SND1: variants seen among roughly 807,000 people sequenced by gnomAD.
SND1 encodes staphylococcal nuclease domain-containing protein 1.
A neutral mutation model predicts 121.7 loss-of-function variants in SND1; 38 were observed. The ratio of observed to expected loss-of-function variants is 0.31; its 90% CI spans 0.24 to 0.41. The LOEUF is 0.41. Among genes scored for constraint, SND1 ranks in the 10% least tolerant of loss-of-function variants. The probability of loss-of-function intolerance (pLI) is 1.00; values close to 1 mark genes in which losing one functional copy is unlikely to be tolerated. For missense variants in SND1, 868 were observed against 1,184.6 expected (o/e 0.73, Z 3.92); for synonymous variants, 401 against 447.4 (o/e 0.90, Z 1.31).
chr7:127,709,899 G>A (rs1013423790), intron 9 of SND1, among the ~76,000 whole-genome samples: 3 of 151,926 alleles, frequency 2.0e-5, no homozygotes, highest in Admixed American at 1.3e-4. Context: ...TTTAGCATTC[G>A]TTTTGCTTTT....
chr7:128,092,141 CAGAGA>C lies in SND1; in HGVS notation c.*84_*88del. The C allele has an allele frequency of 7.1e-7, 1 of 1,405,090 alleles. No homozygotes were observed. The allele number at this position is 1,405,090 out of a possible 1,614,324, so 87.0% of individuals were successfully genotyped here. On this transcript the variant is annotated 3_prime_UTR_variant, in exon 24 of 24. Coordinates refer to ENST00000354725, the MANE Select transcript of SND1 (RefSeq NM_014390.4). This position sits in a 1 kb window ranked among gnomAD's most constrained non-coding sequence, Gnocchi z 4.9. Reference sequence around the variant, plus strand: ...GGAGGGTGTTTTCAACTCCAAACCCCAGAGAGGGGTTGTAGATTGGGTCCAGCTTT... The same window carrying C: ...GGAGGGTGTTTTCAACTCCAAACCCCGGGGTTGTAGATTGGGTCCAGCTTT...
At chr7:127,985,608 G>A (rs1008309869) in intron 15 of SND1, among the ~76,000 whole-genome samples, 2 of 152,210 alleles carry the variant, frequency 1.3e-5, no homozygotes, top group African/African-American at 4.8e-5. Context: ...GGCAAATCCA[G>A]TCACCAATAA....
intron 14 of SND1, among the ~76,000 whole-genome samples, chr7:127,907,824 T>G (rs1800370317): frequency 6.6e-6 from 1 of 152,210 alleles, no homozygotes; most frequent in Non-Finnish European, 1.5e-5. Context: ...TTCCATGATC[T>G]CTTCTCTTGC....
chr7:127,703,431 T>A (rs1168137590), intron 7 of SND1, 108 bp downstream of exon 7: 9 of 1,312,342 alleles, frequency 6.9e-6, no homozygotes, highest in Non-Finnish European at 5.2e-6. Context: ...ATTAAGATAT[T>A]GGCCAGTTGT....
chr7:128,013,620 G>A (rs2116951850), intron 16 of SND1, among the ~76,000 whole-genome samples: 1 of 152,350 alleles, frequency 6.6e-6, no homozygotes, highest in East Asian at 1.9e-4. Context: ...GCAATGGTTT[G>A]GGGATGAAAC....
chr7:127,925,083 C>T (rs974542702), intron 14 of SND1, among the ~76,000 whole-genome samples: 3 of 152,190 alleles, frequency 2.0e-5, no homozygotes, highest in East Asian at 1.9e-4. Flanking sequence ...TCATTACTTT[C>T]TCAATTTCAA....
At chr7:127,728,283 G>C in intron 10 of SND1, among the ~76,000 whole-genome samples, 1 of 151,020 alleles carries the variant, frequency 6.6e-6, no homozygotes, top group Non-Finnish European at 1.5e-5. Context: ...CCCTGAACTG[G>C]GTGCATTTAC....
chr7:128,085,647 G>A lies in SND1; in HGVS notation c.2235-64G>A. 6.9e-7 allele frequency: 1 copy of A among 1,457,196 alleles called. No individual in the cohort carries two copies. The highest frequency in any genetic ancestry group is 9.6e-7 in the Non-Finnish European group (1 of 1,039,646). The allele number at this position is 1,457,196 out of a possible 1,614,324, so 90.3% of individuals were successfully genotyped here. A position where few individuals can be genotyped will look rare whatever the true frequency, so the allele number is the denominator to read the frequency against. ...GCTGTGCCCCTGCCCCGCCATTGCT[G>A]AGGCTCTGGGAGCCCAGAGTCCTCA... is the stretch of plus-strand genomic sequence containing the variant. On this transcript the variant is annotated intron_variant, in intron 19 of 23. Transcript: ENST00000354725. The surrounding 1 kb of genome is among the most constrained non-coding windows in gnomAD (Gnocchi z 4.4).
chr7:128,039,527 A>G (rs1364105275), intron 16 of SND1, among the ~76,000 whole-genome samples: 1 of 152,136 alleles, frequency 6.6e-6, no homozygotes, highest in Non-Finnish European at 1.5e-5. Flanking sequence ...GGAGAATCCT[A>G]GTGACCTTAA....
At chr7:127,942,731 A>G (rs535333718) in intron 15 of SND1, among the ~76,000 whole-genome samples, 39 of 152,346 alleles carry the variant, frequency 2.6e-4, no homozygotes, top group African/African-American at 8.9e-4. Context: ...AGGCAAGCAC[A>G]AATTCTGCAG....
intron 8 of SND1, 108 bp downstream of exon 8, chr7:127,705,053 T>G: frequency 3.4e-6 from 3 of 890,446 alleles, no homozygotes; most frequent in Non-Finnish European, 5.5e-6. Flanking sequence ...TCATTTTACT[T>G]CAGTAAAGGA....
chr7:128,087,593 G>C (rs977753141), intron 21 of SND1, among the ~76,000 whole-genome samples: 1 of 152,106 alleles, frequency 6.6e-6, no homozygotes, highest in African/African-American at 2.4e-5. Context: ...ATGTGTTGCT[G>C]TTGGCCAAGA....
At chr7:127,846,233 G>T (rs1242292871) in intron 12 of SND1, among the ~76,000 whole-genome samples, 1 of 152,150 alleles carries the variant, frequency 6.6e-6, no homozygotes, top group Non-Finnish European at 1.5e-5. Context: ...CTTGTAATTG[G>T]ATTGTATGAA....
rs538136151 is a variant in SND1, at chr7:127,962,725, G to A, written c.1670-28222G>A. Among the ~76,000 whole-genome samples the A allele has an allele frequency of 5.3e-5, 8 of 152,282 alleles. No homozygotes were observed. The East Asian group carries it at 9.6e-4, about 18-fold the overall frequency. ...CTGGAGCAAGCATTGAAAACTATCC[G>A]ACTGTCTGGTTTTGTAGATGAGGAA... On this transcript the variant is annotated intron_variant, in intron 15 of 23. Coordinates refer to ENST00000354725, the MANE Select transcript of SND1 (RefSeq NM_014390.4).
chr7:128,050,883 G>A (rs1488888623), intron 16 of SND1, among the ~76,000 whole-genome samples: 2 of 152,244 alleles, frequency 1.3e-5, no homozygotes, highest in Non-Finnish European at 2.9e-5. Flanking sequence ...GTCCTCCTGA[G>A]CTGAGAAAGA....
At chr7:127,844,991 T>A (rs1278112030) in intron 12 of SND1, among the ~76,000 whole-genome samples, 1 of 152,190 alleles carries the variant, frequency 6.6e-6, no homozygotes, top group East Asian at 1.9e-4. Context: ...CCCCAATAAA[T>A]ATTACAACAG....
intron 11 of SND1, among the ~76,000 whole-genome samples, chr7:127,822,571 C>T (rs1475823762): frequency 6.6e-6 from 1 of 151,870 alleles, no homozygotes; most frequent in Non-Finnish European, 1.5e-5. Flanking sequence ...CATAAAAGCA[C>T]TTGTTTATTC....
chr7:127,854,066 T>A (rs1264240578), intron 12 of SND1, among the ~76,000 whole-genome samples: 1 of 152,218 alleles, frequency 6.6e-6, no homozygotes, highest in Non-Finnish European at 1.5e-5. Context: ...AACTTTCTGA[T>A]GTGCTGCTAA....
At chr7:127,906,870 C>T (rs918778493) in intron 14 of SND1, among the ~76,000 whole-genome samples, 1 of 152,110 alleles carries the variant, frequency 6.6e-6, no homozygotes, top group South Asian at 2.1e-4. Context: ...CCTTTATTTC[C>T]GTTGTCATTA....
Sources: gnomAD v4.1 joint callset for allele counts (sites outside exome capture counted in the v4.1 genomes callset) on GRCh38, gnomAD v4.1.1 for gene constraint, Gnocchi (gnomAD v3.1) non-coding constraint, MANE v1.5 for transcripts, NCBI Gene and HGNC (gene_info 2026-07-23, HGNC 2026-07-21) for gene names.